The following EIF2S3 variants were observed in gnomAD, a reference collection of about 807,000 sequenced individuals.
EIF2S3 encodes eukaryotic translation initiation factor 2 subunit 3.
Under a neutral mutation model 31.7 loss-of-function variants are expected in EIF2S3, and 2 were observed. The ratio of observed to expected loss-of-function variants is 0.06; its 90% CI spans 0.03 to 0.20. The LOEUF (loss-of-function observed/expected upper bound fraction) is 0.20, where lower values mean the gene tolerates loss of function less well. Among genes scored for constraint, EIF2S3 ranks in the 10% least tolerant of loss-of-function variants. The probability of loss-of-function intolerance (pLI) is 1.00; values close to 1 mark genes in which losing one functional copy is unlikely to be tolerated. For synonymous variants in EIF2S3, 120 were observed against 126.7 expected, an observed-to-expected ratio of 0.95 and a Z score of 0.36; for missense variants, 96 against 359.3, an observed-to-expected ratio of 0.27 and a Z score of 5.92.
chrX:24,068,814 C>T (rs1423168378), intron 9 of EIF2S3, among the ~76,000 whole-genome samples: 1 of 111,107 alleles, frequency 9.0e-6, no homozygotes, highest in Non-Finnish European at 1.9e-5. Flanking sequence ...GATATCAGGT[C>T]GTATTTCCAA....
chrX:24,060,421 A>G, intron 5 of EIF2S3: 2 of 393,056 alleles, frequency 5.1e-6, no homozygotes, highest in Non-Finnish European at 8.9e-6. Flanking sequence ...GAAAAAGAAA[A>G]AAAGTCAATA....
At chrX:24,059,068 G>A (rs1930451348) in intron 4 of EIF2S3, among the ~76,000 whole-genome samples, 1 of 112,164 alleles carries the variant, frequency 8.9e-6, no homozygotes, top group Non-Finnish European at 1.9e-5. Context: ...CTTAAATTTT[G>A]CACTTGTCTC....
intron 11 of EIF2S3, 148 bp downstream of exon 11, chrX:24,073,411 G>A (rs1929078164): frequency 8.9e-6 from 7 of 788,788 alleles, no homozygotes; most frequent in African/African-American, 4.2e-5. Flanking sequence ...ACTATACTTC[G>A]GCCGGGTGCG....
intron 7 of EIF2S3, among the ~76,000 whole-genome samples, chrX:24,065,422 AC>A (rs1188829298): frequency 9.0e-6 from 1 of 111,057 alleles, no homozygotes; most frequent in Non-Finnish European, 1.9e-5. Context: ...GGAGTTCAGG[AC>A]CATCCTGGGC....
At chrX:24,072,349 A>G (rs773656935) in intron 10 of EIF2S3, among the ~76,000 whole-genome samples, 3 of 111,377 alleles carry the variant, frequency 2.7e-5, no homozygotes, top group Non-Finnish European at 5.6e-5. Context: ...CAGTGGTGCG[A>G]TCTCGACTCA....
At chrX:24,065,510 T>G (rs1481771969) in intron 7 of EIF2S3, among the ~76,000 whole-genome samples, 1 of 110,924 alleles carries the variant, frequency 9.0e-6, no homozygotes, top group Non-Finnish European at 1.9e-5. Context: ...TAGTCCGAGC[T>G]ACTCGGTAGG....
chrX:24,070,442 T>TTTTG (rs1930650643), intron 9 of EIF2S3, among the ~76,000 whole-genome samples: 1 of 76,244 alleles, frequency 1.3e-5, no homozygotes, highest in African/African-American at 5.1e-5. Flanking sequence ...ATATGTAGTT[T>TTTTG]TTTTTTTTTT....
At chrX:24,060,498 T>C in intron 5 of EIF2S3, 1 of 297,348 alleles carries the variant, frequency 3.4e-6, no homozygotes, top group Non-Finnish European at 6.0e-6. Flanking sequence ...GTAAAACTAT[T>C]TGTGTTATGG....
intron 6 of EIF2S3, 181 bp downstream of exon 6, chrX:24,062,755 T>A (rs1239388806): frequency 2.5e-6 from 1 of 406,553 alleles, no homozygotes; most frequent in African/African-American, 2.6e-5. Flanking sequence ...AACCTGTGAT[T>A]CTGAATTTAA....
In EIF2S3 at chrX:24,055,016, G is replaced by A. The variant is rs747769349; in HGVS notation, c.48G>A (p.Ser16=). Residue 16 remains serine (S), a synonymous_variant, in exon 1 of 12, where the codon TCG becomes TCA. Transcript: ENST00000253039. ...TGACTCTAGGGCAGCCGCATCTTTC[G>A]CGTCAGGATCTCACCACCTTGGTGA... ...AGVTLGQPHL[S]RQDLTTLDVT... 1.7e-6 allele frequency: 2 copies of A among 1,209,219 alleles called. No homozygotes were observed. The highest frequency in any genetic ancestry group is 1.8e-5 in the South Asian group (1 of 56,781).
Position 24,054,998 on chromosome X carries a change from A to C in EIF2S3, c.30A>C (p.Leu10=), listed in dbSNP as rs1386468767. The C allele has an allele frequency of 8.3e-7, 1 of 1,210,602 alleles. No homozygotes were observed. Among genetic ancestry groups the C allele is most frequent in the Admixed American group, 2.2e-5 (1 of 45,964 alleles). The part of the protein sequence containing the change: MAGGEAGVT[L]GQPHLSRQDL... The stretch of plus-strand genomic sequence containing the variant: ...CGGGCGGAGAAGCTGGAGTGACTCT[A>C]GGGCAGCCGCATCTTTCGCGTCAGG... Residue 10 remains leucine, a synonymous_variant, in exon 1 of 12, where the codon CTA becomes CTC. Coordinates refer to ENST00000253039, the MANE Select transcript of EIF2S3 (RefSeq NM_001415.4).
intron 5 of EIF2S3, among the ~76,000 whole-genome samples, chrX:24,061,643 T>G (rs1930495128): frequency 9.0e-6 from 1 of 110,948 alleles, no homozygotes; most frequent in African/African-American, 3.3e-5. Flanking sequence ...AGGAGGTTGA[T>G]CATTAGAGTG....
intron 5 of EIF2S3, among the ~76,000 whole-genome samples, chrX:24,062,165 T>C (rs771192298): frequency 3.6e-5 from 4 of 111,153 alleles, no homozygotes; most frequent in African/African-American, 1.3e-4. Context: ...TTTAGTGGCA[T>C]TAAGCACATT....
intron 11 of EIF2S3, among the ~76,000 whole-genome samples, chrX:24,076,330 G>A (rs188692432): frequency 1.7e-3 from 191 of 111,081 alleles, no homozygotes; most frequent in African/African-American, 5.9e-3. Context: ...CCAGGAGTTC[G>A]CAACCAGCCT....
chrX:24,055,861 A>G (rs1309022325), intron 2 of EIF2S3, among the ~76,000 whole-genome samples, 183 bp downstream of exon 2: 2 of 112,036 alleles, frequency 1.8e-5, no homozygotes, highest in East Asian at 2.8e-4. Context: ...GCCCACATGT[A>G]GCTTACAGAC....
At chrX:24,068,346 T>C (rs1431420474) in intron 9 of EIF2S3, among the ~76,000 whole-genome samples, 3 of 112,123 alleles carry the variant, frequency 2.7e-5, no homozygotes, top group Non-Finnish European at 5.6e-5. Context: ...GAGTAACTCC[T>C]TTTTAGCAAT....
intron 9 of EIF2S3, 70 bp from the exon 10 acceptor site, chrX:24,071,488 C>G: frequency 9.1e-7 from 1 of 1,100,891 alleles, no homozygotes; most frequent in Non-Finnish European, 1.2e-6. Flanking sequence ...CTGCACCTGG[C>G]CAACTAATTC....
intron 6 of EIF2S3, 74 bp downstream of exon 6, chrX:24,062,648 T>C (rs1224290214): frequency 1.9e-6 from 2 of 1,071,710 alleles, no homozygotes; most frequent in East Asian, 6.1e-5. Flanking sequence ...AGATGTTAAA[T>C]TAACTTTTAA....
In EIF2S3 at chrX:24,057,716, G is replaced by A. The variant is rs1479545306; in HGVS notation, c.345G>A (p.Thr115=). ...GCAGTACACCTGACGAGTTTCCTAC[G>A]GACATTCCAGGGACCAAAGGGAACT... is the stretch of plus-strand genomic sequence containing the variant. ...CGSSTPDEFP[T]DIPGTKGNFK... The change falls in exon 4 of 12, where the codon ACG becomes ACA. Residue 115 remains threonine, a synonymous_variant. Coordinates refer to ENST00000253039, the MANE Select transcript of EIF2S3 (RefSeq NM_001415.4). 15 of 1,210,928 alleles carry A rather than the reference G, an allele frequency of 1.2e-5. No homozygotes were observed. Among genetic ancestry groups the A allele is most frequent in the East Asian group, 8.9e-5 (3 of 33,854 alleles).
Sources: gnomAD v4.1 joint callset for allele counts (sites outside exome capture counted in the v4.1 genomes callset) on GRCh38, gnomAD v4.1.1 for gene constraint, MANE v1.5 for transcripts, NCBI Gene and HGNC (gene_info 2026-07-23, HGNC 2026-07-21) for gene names.